CTNNA3: variants seen among roughly 807,000 people sequenced by gnomAD.
The protein encoded by CTNNA3 is catenin alpha 3, also known as catenin alpha-3.
CTNNA3 carries 76 observed loss-of-function variants against 95.7 expected under a neutral mutation model. The observed-to-expected ratio is 0.79, with a 90% confidence interval of 0.66 to 0.96. The LOEUF (loss-of-function observed/expected upper bound fraction) is 0.96. CTNNA3 is among the 40% of genes least tolerant of loss of function. The probability of loss-of-function intolerance (pLI) is 0.00; values close to 1 mark genes in which losing one functional copy is unlikely to be tolerated. For synonymous variants in CTNNA3, 431 were observed against 374.4 expected (o/e 1.15, Z -1.74); for missense variants, 1,191 against 1,089.8 (o/e 1.09, Z -1.31).
chr10:66,225,420 T>C (rs1037924995), intron 13 of CTNNA3, among the ~76,000 whole-genome samples: 1 of 138,892 alleles, frequency 7.2e-6, no homozygotes, highest in Non-Finnish European at 1.6e-5. Context: ...TATATATATA[T>C]ATGAATGAAT....
intron 7 of CTNNA3, among the ~76,000 whole-genome samples, chr10:66,834,128 C>A (rs1212680612): frequency 6.6e-6 from 1 of 152,152 alleles, no homozygotes; most frequent in African/African-American, 2.4e-5. Context: ...GGGCTGCAGC[C>A]AATCCCCCAC....
In CTNNA3 at chr10:67,509,206, A is replaced by T. The variant is rs1451100996; in HGVS notation, c.579+12636T>A. The stretch of plus-strand genomic sequence containing the variant: ...AGACATGTTTCTTTTTTTTTTTTTT[A>T]AATCCTTTAAGTTCTAGGGTACATG... On this transcript the variant is annotated intron_variant, in intron 5 of 17. Coordinates refer to ENST00000433211, the MANE Select transcript of CTNNA3 (RefSeq NM_013266.4). Among the ~76,000 whole-genome samples, 14 of 142,308 alleles carry T rather than the reference A, an allele frequency of 9.8e-5. No individual in the cohort carries two copies. The East Asian group carries it at 9.9e-4, about 10-fold the overall frequency. 93.4% of individuals were successfully genotyped at this position (142,308 alleles called of 152,430 possible).
intron 1 of CTNNA3, among the ~76,000 whole-genome samples, chr10:67,727,025 TTA>T (rs539544916): frequency 1.7e-3 from 194 of 114,800 alleles, no homozygotes; most frequent in African/African-American, 6.6e-3. Flanking sequence ...TATGATATAA[TTA>T]TATATAATAT....
At chr10:66,586,080 C>T (rs575388215) in intron 10 of CTNNA3, among the ~76,000 whole-genome samples, 202 of 152,014 alleles carry the variant, frequency 1.3e-3, no homozygotes, top group African/African-American at 4.5e-3. Flanking sequence ...TCTCAGATGC[C>T]GGTTGTAGTG....
At chr10:66,491,750 TATAA>T (rs143716148) in intron 11 of CTNNA3, among the ~76,000 whole-genome samples, 3 of 152,278 alleles carry the variant, frequency 2.0e-5, no homozygotes, top group East Asian at 1.9e-4. Context: ...CTAATTTTGT[TATAA>T]ATAGAGTAAT....
intron 5 of CTNNA3, among the ~76,000 whole-genome samples, chr10:67,305,651 G>A (rs770343504): frequency 6.6e-6 from 1 of 152,084 alleles, no homozygotes; most frequent in Admixed American, 6.6e-5. Flanking sequence ...GAAGTGGGGA[G>A]ATAAGTTAGG....
At chr10:67,706,236 C>A (rs1460990662) in intron 1 of CTNNA3, among the ~76,000 whole-genome samples, 1 of 151,540 alleles carries the variant, frequency 6.6e-6, no homozygotes, top group African/African-American at 2.4e-5. Flanking sequence ...TGTCATCTCT[C>A]AAAACAGTTT....
intron 5 of CTNNA3, among the ~76,000 whole-genome samples, chr10:67,501,792 A>C (rs145592143): frequency 1.4e-3 from 207 of 152,064 alleles, no homozygotes; most frequent in African/African-American, 4.3e-3. Context: ...GGAAGTTTTC[A>C]TGCTGTGTTT....
chr10:66,865,213 C>CGTGTGTGCGT (rs1844123732), intron 7 of CTNNA3, among the ~76,000 whole-genome samples: 1 of 143,826 alleles, frequency 7.0e-6, no homozygotes, highest in Non-Finnish European at 1.5e-5. Flanking sequence ...TGTGTGTGTG[C>CGTGTGTGCGT]GTGTGTGTGT....
chr10:66,052,647 G>A (rs115808676), intron 15 of CTNNA3, among the ~76,000 whole-genome samples: 2,529 of 152,012 alleles, frequency 0.017, 73 homozygotes, highest in African/African-American at 0.058. Context: ...GAGCACTAGC[G>A]AAAAATGGGT....
chr10:66,922,800 T>C (rs989490404), intron 7 of CTNNA3, among the ~76,000 whole-genome samples: 1 of 152,202 alleles, frequency 6.6e-6, no homozygotes, highest in East Asian at 1.9e-4. Context: ...ATAGTTTTGT[T>C]TTATTTTTAT....
chr10:66,774,886 A>C (rs2132819759), intron 8 of CTNNA3, among the ~76,000 whole-genome samples: 1 of 152,326 alleles, frequency 6.6e-6, no homozygotes, highest in South Asian at 2.1e-4. Context: ...CATGTTCCTG[A>C]TGACTTAAGG....
chr10:66,265,960 T>C (rs1222646344), intron 13 of CTNNA3, among the ~76,000 whole-genome samples: 1 of 150,692 alleles, frequency 6.6e-6, no homozygotes, highest in East Asian at 2.0e-4. Context: ...TGGCCCGTAG[T>C]ACGTACTCAA....
intron 6 of CTNNA3, among the ~76,000 whole-genome samples, chr10:67,199,056 G>A (rs1042361747): frequency 6.6e-6 from 1 of 151,938 alleles, no homozygotes; most frequent in Non-Finnish European, 1.5e-5. Flanking sequence ...AAGGGGGAAG[G>A]GAAAGAGAAA....
intron 7 of CTNNA3, among the ~76,000 whole-genome samples, chr10:67,107,305 G>T (rs1321573205): frequency 6.6e-6 from 1 of 152,078 alleles, no homozygotes; most frequent in Non-Finnish European, 1.5e-5. Flanking sequence ...ACATTTTTCT[G>T]AACTCTAATT....
intron 7 of CTNNA3, among the ~76,000 whole-genome samples, chr10:66,820,451 T>C (rs1401381315): frequency 1.3e-5 from 2 of 152,052 alleles, no homozygotes; most frequent in Admixed American, 6.6e-5. Flanking sequence ...TACTGAATTA[T>C]ACAATTTAAT....
rs963496966 is a variant in CTNNA3 at position 67,015,808 on chromosome 10, C to T, written c.1047+164509G>A. 5.3e-5 allele frequency among the ~76,000 whole-genome samples: 8 copies of T among 151,814 alleles called. No homozygotes were observed. In the South Asian group the frequency reaches 6.2e-4, roughly 12 times the overall value. ...TGTTGTCTCTCTTTTCCCTGTCTTC[C>T]GTATCTTTCTTCATTATAAAAACTT... On this transcript the variant is annotated intron_variant, in intron 7 of 17. Coordinates refer to ENST00000433211, the MANE Select transcript of CTNNA3 (RefSeq NM_013266.4).
intron 1 of CTNNA3, chr10:67,750,197 A>T: frequency 7.5e-7 from 1 of 1,327,036 alleles, no homozygotes; most frequent in Admixed American, 1.8e-5. Flanking sequence ...AGTCAGTGAG[A>T]CCAAGAACCC....
chr10:67,462,078 T>C (rs1847398979), intron 5 of CTNNA3, among the ~76,000 whole-genome samples: 1 of 152,222 alleles, frequency 6.6e-6, no homozygotes, highest in South Asian at 2.1e-4. Context: ...TGGTAGCAGC[T>C]TCCTGACCTC....
Sources: allele counts gnomAD v4.1 joint callset (sites outside exome capture counted in the v4.1 genomes callset), GRCh38; gene constraint gnomAD v4.1.1; transcripts MANE v1.5; gene names NCBI Gene and HGNC (gene_info 2026-07-23, HGNC 2026-07-21).